The following ANK1 variants were observed in gnomAD, a reference collection of about 807,000 sequenced individuals.
ANK1 encodes the protein ankyrin 1.
ANK1 carries 51 observed loss-of-function variants against 210.4 expected under a neutral mutation model. That is an observed-to-expected ratio of 0.24 (90% confidence interval 0.19 to 0.31). The LOEUF is 0.31. ANK1 is among the 10% of genes least tolerant of loss of function. The pLI, the probability that ANK1 is intolerant of heterozygous loss-of-function variation, is 1.00. For synonymous variants in ANK1, 967 were observed against 1,025.9 expected, an observed-to-expected ratio of 0.94 and a Z score of 1.10; for missense variants, 2,051 against 2,504.4, an observed-to-expected ratio of 0.82 and a Z score of 3.86.
Position 41,655,142 on chromosome 8 carries a change from G to GAAAA in ANK1, c.*647_*648insTTTT. 6.6e-6 allele frequency: 1 copy of GAAAA among 152,338 alleles called. No homozygotes were observed. Among genetic ancestry groups the GAAAA allele is most frequent in the Non-Finnish European group, 1.5e-5 (1 of 68,438 alleles). 9.4% of individuals were successfully genotyped at this position (152,338 alleles called of 1,614,324 possible). On this transcript the variant is annotated 3_prime_UTR_variant, in exon 43 of 43. Coordinates refer to ENST00000289734, the MANE Select transcript of ANK1 (RefSeq NM_000037.4). ...GTGGAGGCGAGTGGTGTGTGTGTGTGTGTGTGTGTGTCCTGAATGTCATGT... is the reference window on the plus strand; with the variant it reads ...GTGGAGGCGAGTGGTGTGTGTGTGTGAAAATGTGTGTGTGTCCTGAATGTCATGT...
chr8:41,813,659 T>A (rs1802827710), intron 1 of ANK1, among the ~76,000 whole-genome samples: 1 of 152,218 alleles, frequency 6.6e-6, no homozygotes, highest in African/African-American at 2.4e-5. Context: ...GAACTTTTAA[T>A]AGGGAATCTC....
chr8:41,792,506 TAACAA>T (rs1847948138), intron 1 of ANK1, among the ~76,000 whole-genome samples: 1 of 152,126 alleles, frequency 6.6e-6, no homozygotes, highest in Admixed American at 6.5e-5. Flanking sequence ...TTAATTCACT[TAACAA>T]ATCTATTTTT....
intron 2 of ANK1, among the ~76,000 whole-genome samples, chr8:41,737,074 G>A (rs557056089): frequency 3.3e-5 from 5 of 152,298 alleles, no homozygotes; most frequent in East Asian, 3.9e-4. Flanking sequence ...TGAAGCAGCC[G>A]GATCACTTGA....
chr8:41,711,845 G>A (rs10088930), intron 16 of ANK1, among the ~76,000 whole-genome samples: 5,606 of 152,140 alleles, frequency 0.037, 187 homozygotes, highest in African/African-American at 0.093. Context: ...TGGTTATCAC[G>A]TTGGCTCAGA....
In ANK1 at chr8:41,863,174, C is replaced by T. The variant is rs546684162; in HGVS notation, c.126+33181G>A. ...GAGATTGAGACCATCCTGGCTAACA[C>T]GGTGAAACCCCATCTCTACTAAAAA... is the stretch of plus-strand genomic sequence containing the variant. On this transcript the variant is annotated intron_variant, in intron 1 of 42. Transcript: ENST00000265709. Among the ~76,000 whole-genome samples, 34 of 151,976 alleles carry T rather than the reference C, an allele frequency of 2.2e-4. No homozygotes were observed. The East Asian group carries it at 4.8e-3, about 22-fold the overall frequency.
At chr8:41,747,646 T>C (rs1412486587) in intron 2 of ANK1, among the ~76,000 whole-genome samples, 1 of 152,194 alleles carries the variant, frequency 6.6e-6, no homozygotes, top group Non-Finnish European at 1.5e-5. Context: ...CAGGCCTATC[T>C]TTTTTCTTTG....
chr8:41,826,568 A>C (rs530659818), intron 1 of ANK1, among the ~76,000 whole-genome samples: 1 of 152,296 alleles, frequency 6.6e-6, no homozygotes, highest in East Asian at 1.9e-4. Context: ...CCCTTCTCCA[A>C]ATAAGGAACA....
At position 41,852,089 on chromosome 8, in the gene ANK1, A is replaced by AG. The variant is rs1444158250; in HGVS notation, c.126+44265dup. Among the ~76,000 whole-genome samples, 4 of 152,328 alleles carry AG rather than the reference A, an allele frequency of 2.6e-5. No individual in the cohort carries two copies. The East Asian group carries it at 7.7e-4, about 29-fold the overall frequency. On this transcript the variant is annotated intron_variant, in intron 1 of 42. Coordinates refer to the ANK1 transcript ENST00000265709. Reference sequence around the variant, plus strand: ...TATGTTAAGATCACACACGGCTAGTAGTAGATGGCTGAGCCCAGGATGCCT... The same window carrying AG: ...TATGTTAAGATCACACACGGCTAGTAGGTAGATGGCTGAGCCCAGGATGCCT...
chr8:41,857,181 CTTTTT>C (rs78365145), intron 1 of ANK1, among the ~76,000 whole-genome samples: 3 of 143,270 alleles, frequency 2.1e-5, no homozygotes, highest in African/African-American at 7.7e-5. Flanking sequence ...CTCCTGGCAT[CTTTTT>C]TTTTTTTTTC....
chr8:41,709,506 T>C (rs1053099976), intron 16 of ANK1, among the ~76,000 whole-genome samples: 3 of 152,270 alleles, frequency 2.0e-5, no homozygotes, highest in African/African-American at 4.8e-5. Flanking sequence ...CAGGGCAAGA[T>C]GTTCCATGAC....
chr8:41,865,827 C>T (rs1814323564), intron 1 of ANK1, among the ~76,000 whole-genome samples: 1 of 152,162 alleles, frequency 6.6e-6, no homozygotes, highest in African/African-American at 2.4e-5. Context: ...TAATCGCCTC[C>T]ATCCCCTCAT....
intron 6 of ANK1, among the ~76,000 whole-genome samples, chr8:41,725,076 G>T (rs1396966771): frequency 3.3e-5 from 5 of 152,158 alleles, no homozygotes; most frequent in African/African-American, 1.2e-4. Flanking sequence ...TGTCCAGGCT[G>T]GTCTCCAATT....
chr8:41,797,331 T>C lies in ANK1; in HGVS notation c.27+181A>G, dbSNP rs191971085. 1.3e-5 allele frequency among the ~76,000 whole-genome samples: 2 copies of C among 152,234 alleles called. No homozygotes were observed. The highest frequency in any genetic ancestry group is 4.8e-5 in the African/African-American group (2 of 41,532). ...ACTGGCTTCAGCGAGTAGGGCAGAG[T>C]CCACCTGCTGCCTTCAGCTACAAGG... On this transcript the variant is annotated intron_variant, in intron 1 of 42. Coordinates refer to ENST00000289734, the MANE Select transcript of ANK1 (RefSeq NM_000037.4). The surrounding 1 kb of genome is among the most constrained non-coding windows in gnomAD (Gnocchi z 4.0).
intron 16 of ANK1, among the ~76,000 whole-genome samples, chr8:41,709,311 A>G (rs1205087948): frequency 6.6e-6 from 1 of 152,250 alleles, no homozygotes; most frequent in African/African-American, 2.4e-5. Context: ...ATAAGAGCCA[A>G]AAACCCCAAA....
intron 1 of ANK1, among the ~76,000 whole-genome samples, chr8:41,859,459 G>C (rs115899628): frequency 0.012 from 1,861 of 152,288 alleles, 45 homozygotes; most frequent in African/African-American, 0.043. Context: ...TGATTCTCTT[G>C]CTTCAGCGTC....
intron 1 of ANK1, among the ~76,000 whole-genome samples, chr8:41,833,616 A>T (rs1299409033): frequency 6.6e-6 from 1 of 152,232 alleles, no homozygotes; most frequent in Non-Finnish European, 1.5e-5. Flanking sequence ...AGTCTAGGAC[A>T]TCTCCTTGTC....
At chr8:41,843,836 G>A (rs1458879036) in intron 1 of ANK1, among the ~76,000 whole-genome samples, 1 of 152,150 alleles carries the variant, frequency 6.6e-6, no homozygotes, top group Non-Finnish European at 1.5e-5. Context: ...GAGACAGGTC[G>A]GGAAGGGTCT....
At chr8:41,682,056 C>G (rs1816221385) in intron 37 of ANK1, among the ~76,000 whole-genome samples, 1 of 152,212 alleles carries the variant, frequency 6.6e-6, no homozygotes, top group Non-Finnish European at 1.5e-5. Flanking sequence ...TCATGCCACT[C>G]TTTGGCCAGA....
At chr8:41,701,991 G>A in intron 21 of ANK1, 61 bp downstream of exon 21, 1 of 1,544,930 alleles carries the variant, frequency 6.5e-7, no homozygotes, top group Non-Finnish European at 8.9e-7. Flanking sequence ...AGTAACCCCA[G>A]GCACGCCTGT....
Sources: gnomAD v4.1 joint callset for allele counts (sites outside exome capture counted in the v4.1 genomes callset) on GRCh38, gnomAD v4.1.1 for gene constraint, Gnocchi (gnomAD v3.1) non-coding constraint, MANE v1.5 for transcripts, NCBI Gene and HGNC (gene_info 2026-07-23, HGNC 2026-07-21) for gene names.